Variants in KCNIP4 observed in about 807,000 individuals in gnomAD.
KCNIP4 encodes the protein potassium voltage-gated channel interacting protein 4.
Under a neutral mutation model 34.0 loss-of-function variants are expected in KCNIP4, and 12 were observed. The observed-to-expected ratio is 0.35, with a 90% CI of 0.23 to 0.57. The LOEUF (loss-of-function observed/expected upper bound fraction) is 0.57, where lower values mean the gene tolerates loss of function less well. Ranked by LOEUF, KCNIP4 falls within the 20% of genes least tolerant of loss-of-function variation. The pLI, the probability that KCNIP4 is intolerant of heterozygous loss-of-function variation, is 0.83. For missense variants in KCNIP4, 238 were observed against 311.7 expected (o/e 0.76, Z 1.78); for synonymous variants, 124 against 102.2 (o/e 1.21, Z -1.29).
intron 3 of KCNIP4, 87 bp downstream of exon 3, chr4:20,850,456 G>T: frequency 7.3e-7 from 1 of 1,375,982 alleles, no homozygotes; most frequent in Non-Finnish European, 1.0e-6. Flanking sequence ...GGCTCTCATA[G>T]AATGGGATAT....
chr4:20,736,589 A>G (rs933099913), intron 5 of KCNIP4, among the ~76,000 whole-genome samples: 2 of 152,018 alleles, frequency 1.3e-5, no homozygotes, highest in African/African-American at 4.8e-5. Flanking sequence ...ACTTTTTTCT[A>G]ATTATATGGC....
intron 1 of KCNIP4, among the ~76,000 whole-genome samples, chr4:21,894,591 T>C (rs1213496848): frequency 1.3e-5 from 2 of 152,156 alleles, no homozygotes; most frequent in Non-Finnish European, 2.9e-5. Context: ...ACAAATCATG[T>C]CATCAAAGAC....
At chr4:20,911,370 A>G (rs1292560992) in intron 1 of KCNIP4, among the ~76,000 whole-genome samples, 1 of 152,178 alleles carries the variant, frequency 6.6e-6, no homozygotes, top group Non-Finnish European at 1.5e-5. Flanking sequence ...TCATTATTTA[A>G]GAACCATGCT....
intron 1 of KCNIP4, among the ~76,000 whole-genome samples, chr4:21,673,676 T>C (rs1749668561): frequency 6.6e-6 from 1 of 152,186 alleles, no homozygotes; most frequent in Non-Finnish European, 1.5e-5. Context: ...GATGCAATTA[T>C]AACTTTGAAT....
chr4:21,604,150 A>G (rs1168971161), intron 1 of KCNIP4, among the ~76,000 whole-genome samples: 1 of 152,172 alleles, frequency 6.6e-6, no homozygotes, highest in Non-Finnish European at 1.5e-5. Context: ...TTTTTGAATA[A>G]TATACCTTCT....
At chr4:21,505,035 A>C (rs1733715281) in intron 1 of KCNIP4, among the ~76,000 whole-genome samples, 2 of 152,192 alleles carry the variant, frequency 1.3e-5, no homozygotes, top group South Asian at 4.1e-4. Context: ...CTAGACATTT[A>C]AGTAATCTGA....
chr4:21,567,070 C>T (rs993918221), intron 1 of KCNIP4, among the ~76,000 whole-genome samples: 1 of 152,098 alleles, frequency 6.6e-6, no homozygotes, highest in African/African-American at 2.4e-5. Context: ...AATTAATAAA[C>T]TTCAATTATG....
At chr4:21,358,232 T>A (rs567682602) in intron 1 of KCNIP4, among the ~76,000 whole-genome samples, 2 of 152,132 alleles carry the variant, frequency 1.3e-5, no homozygotes, top group Non-Finnish European at 2.9e-5. Context: ...GACGAGTTGA[T>A]GTGTGCAGCA....
chr4:21,781,614 G>T lies in KCNIP4; in HGVS notation c.61+166957C>A, dbSNP rs79349227. 9.6e-3 allele frequency among the ~76,000 whole-genome samples: 1,465 copies of T among 151,936 alleles called. 59 individuals are homozygous for T. Among genetic ancestry groups the T allele is most frequent in the Admixed American group, 0.068 (1,036 of 15,246 alleles). On this transcript the variant is annotated intron_variant, in intron 1 of 8. Coordinates refer to ENST00000382152, the MANE Select transcript of KCNIP4 (RefSeq NM_025221.6). ...TTATCTGTTATTTATCGAATAGAAA[G>T]GAAATACTAAACAAAGGACTCTTTG...
intron 1 of KCNIP4, among the ~76,000 whole-genome samples, chr4:21,455,841 AT>A (rs1728913629): frequency 1.9e-5 from 2 of 105,840 alleles, no homozygotes; most frequent in African/African-American, 7.5e-5. Flanking sequence ...ATATATATAT[AT>A]ATATATATAT....
intron 2 of KCNIP4, among the ~76,000 whole-genome samples, chr4:20,870,331 C>A (rs559955361): frequency 6.6e-6 from 1 of 152,036 alleles, no homozygotes; most frequent in African/African-American, 2.4e-5. Flanking sequence ...CTGTCTCTCC[C>A]ACTCCACCAT....
intron 1 of KCNIP4, among the ~76,000 whole-genome samples, chr4:20,888,779 T>C (rs1725592080): frequency 6.6e-6 from 1 of 152,136 alleles, no homozygotes; most frequent in Admixed American, 6.5e-5. Flanking sequence ...ATCCTTGTCT[T>C]TCTCCAAATT....
intron 1 of KCNIP4, among the ~76,000 whole-genome samples, chr4:21,669,540 A>G (rs1204849986): frequency 6.6e-6 from 1 of 152,238 alleles, no homozygotes; most frequent in Non-Finnish European, 1.5e-5. Context: ...GACAACCAGT[A>G]GTTAAGTTTG....
rs562955956 is a variant in KCNIP4 at position 21,207,558 on chromosome 4, A to G, written c.62-324849T>C. Among the ~76,000 whole-genome samples, 29 of 152,348 alleles carry G rather than the reference A, an allele frequency of 1.9e-4. 1 individual carries two copies. In the South Asian group the frequency reaches 5.6e-3, roughly 29 times the overall value. On this transcript the variant is annotated intron_variant, in intron 1 of 8. Coordinates refer to ENST00000382152, the MANE Select transcript of KCNIP4 (RefSeq NM_025221.6). The stretch of plus-strand genomic sequence containing the variant: ...TCTTAGGCTAGCTAACATCCCAGAC[A>G]GCAATTTGTCTATGGCACATATCTA...
chr4:20,870,106 G>A (rs7670274), intron 2 of KCNIP4, among the ~76,000 whole-genome samples: 18,856 of 152,098 alleles, frequency 0.12, 1,385 homozygotes, highest in Non-Finnish European at 0.16. Flanking sequence ...GTACAGAGAA[G>A]TTGAATAAAC....
chr4:21,928,108 C>CTATATATATATATATA (rs144162392), intron 1 of KCNIP4, among the ~76,000 whole-genome samples: 1 of 142,754 alleles, frequency 7.0e-6, no homozygotes, highest in African/African-American at 2.5e-5. Context: ...CCAGATTAGA[C>CTATATATATATATATA]TATATATATA....
rs191552905 is a variant in KCNIP4, at chr4:20,907,245, T to A, written c.62-24536A>T. ...CACAGGTTAGAACTGAGGAAATTTATTACGGTGTTTTGGAAATTAAGAGGA... is the reference window on the plus strand; with the variant it reads ...CACAGGTTAGAACTGAGGAAATTTAATACGGTGTTTTGGAAATTAAGAGGA... On this transcript the variant is annotated intron_variant, in intron 1 of 8. Transcript: ENST00000382152. 4.1e-3 allele frequency among the ~76,000 whole-genome samples: 619 copies of A among 152,320 alleles called. 1 individual carries two copies. Among genetic ancestry groups the A allele is most frequent in the South Asian group, 0.011 (51 of 4,826 alleles).
chr4:20,998,606 C>A (rs368849409), intron 1 of KCNIP4, among the ~76,000 whole-genome samples: 10 of 152,300 alleles, frequency 6.6e-5, no homozygotes, highest in African/African-American at 2.4e-4. Flanking sequence ...CTGAAGTTGT[C>A]TTCAAGTCTG....
At chr4:21,497,837 A>T (rs752082029) in intron 1 of KCNIP4, among the ~76,000 whole-genome samples, 8 of 152,166 alleles carry the variant, frequency 5.3e-5, no homozygotes, top group Admixed American at 2.0e-4. Flanking sequence ...ATTCTAAAGT[A>T]AATAATAATT....
Sources: allele counts gnomAD v4.1 joint callset (sites outside exome capture counted in the v4.1 genomes callset), GRCh38; gene constraint gnomAD v4.1.1; transcripts MANE v1.5; gene names NCBI Gene and HGNC (gene_info 2026-07-23, HGNC 2026-07-21).